PALM2AKAP2: variants seen among roughly 807,000 people sequenced by gnomAD.
The protein encoded by PALM2AKAP2 is PALM2 and AKAP2 fusion, also known as PALM2-AKAP2 fusion protein.
In PALM2AKAP2, 37 loss-of-function variants were observed where a neutral mutation model predicts 71.5. That is an observed-to-expected ratio of 0.52 (90% CI 0.40 to 0.68). The LOEUF (loss-of-function observed/expected upper bound fraction) is 0.68, where lower values mean the gene tolerates loss of function less well. Ranked by LOEUF, PALM2AKAP2 falls within the 30% of genes least tolerant of loss-of-function variation. The pLI is 0.00. For missense variants in PALM2AKAP2, 1,224 were observed against 1,191.8 expected (o/e 1.03, Z -0.40); for synonymous variants, 468 against 478.8 (o/e 0.98, Z 0.29).
At chr9:110,065,077 G>A (rs1274159988) in intron 1 of PALM2AKAP2, among the ~76,000 whole-genome samples, 4 of 152,216 alleles carry the variant, frequency 2.6e-5, no homozygotes, top group Non-Finnish European at 4.4e-5. Flanking sequence ...TGTCACACCA[G>A]CCGGATGACT....
chr9:109,958,792 A>C (rs1338014483), intron 6 of PALM2AKAP2, among the ~76,000 whole-genome samples: 1 of 152,200 alleles, frequency 6.6e-6, no homozygotes, highest in East Asian at 1.9e-4. Context: ...AGAAGCCATC[A>C]CATCAGCCAT....
intron 1 of PALM2AKAP2, among the ~76,000 whole-genome samples, chr9:110,056,431 T>TA (rs1055326993): frequency 2.0e-5 from 3 of 152,224 alleles, no homozygotes; most frequent in Non-Finnish European, 4.4e-5. Flanking sequence ...CCCAAAGGAA[T>TA]AAATCTTAGT....
chr9:109,746,645 C>G (rs1828806312), intron 1 of PALM2AKAP2, among the ~76,000 whole-genome samples: 1 of 152,116 alleles, frequency 6.6e-6, no homozygotes, highest in Non-Finnish European at 1.5e-5. Flanking sequence ...ATGATATCCC[C>G]AGGAGGTGGA....
intron 3 of PALM2AKAP2, among the ~76,000 whole-genome samples, chr9:109,882,149 C>G (rs1164326778): frequency 2.0e-5 from 3 of 152,078 alleles, no homozygotes; most frequent in Admixed American, 1.3e-4. Context: ...TCCCAAAGTG[C>G]TGGAATTACA....
At chr9:109,909,980 A>G (rs1339876276) in intron 3 of PALM2AKAP2, among the ~76,000 whole-genome samples, 2 of 152,114 alleles carry the variant, frequency 1.3e-5, no homozygotes, top group Non-Finnish European at 2.9e-5. Flanking sequence ...TCTGGATTTT[A>G]GGGTGATGGG....
rs544721654 is a variant in PALM2AKAP2, at chr9:109,975,209, T to C, written c.497-40745T>C. Among the ~76,000 whole-genome samples, 77 of 152,282 alleles carry C rather than the reference T, an allele frequency of 5.1e-4. No individual in the cohort carries two copies. In the South Asian group the frequency reaches 0.011, roughly 22 times the overall value. ...TTGAGAAGCCCCACGATCTACTATCTACAAGCTGGAGGCCCAGGAAAGCCA... is the reference window on the plus strand; with the variant it reads ...TTGAGAAGCCCCACGATCTACTATCCACAAGCTGGAGGCCCAGGAAAGCCA... On this transcript the variant is annotated intron_variant, in intron 6 of 9. Coordinates refer to the PALM2AKAP2 transcript ENST00000302798.
chr9:109,834,515 C>T (rs1030419549), intron 1 of PALM2AKAP2, among the ~76,000 whole-genome samples: 4 of 152,108 alleles, frequency 2.6e-5, no homozygotes, highest in Non-Finnish European at 5.9e-5. Context: ...TGTGTGGAGT[C>T]TGAGGCTGAC....
chr9:109,952,036 CCT>C (rs1275881733), intron 6 of PALM2AKAP2, among the ~76,000 whole-genome samples: 25 of 152,234 alleles, frequency 1.6e-4, no homozygotes, highest in Middle Eastern at 3.2e-3. Flanking sequence ...CTCTTGTTCA[CCT>C]CTCTTTACCT....
chr9:109,994,791 C>T (rs1832544570), intron 6 of PALM2AKAP2, among the ~76,000 whole-genome samples: 1 of 152,154 alleles, frequency 6.6e-6, no homozygotes, highest in Non-Finnish European at 1.5e-5. Context: ...CTCAAGCCCC[C>T]TTGCTCTCTG....
chr9:110,115,966 T>G (rs142668647), intron 1 of PALM2AKAP2, among the ~76,000 whole-genome samples: 3 of 152,326 alleles, frequency 2.0e-5, no homozygotes, highest in East Asian at 3.9e-4. Context: ...GAACATTGTC[T>G]TGGAGAAGTG....
intron 6 of PALM2AKAP2, among the ~76,000 whole-genome samples, chr9:109,955,933 TG>T (rs1831738573): frequency 6.6e-6 from 1 of 151,490 alleles, no homozygotes; most frequent in African/African-American, 2.4e-5. Context: ...AAGACTCCTC[TG>T]TCTTAAAAAA....
intron 1 of PALM2AKAP2, among the ~76,000 whole-genome samples, chr9:109,743,123 C>G (rs1399640875): frequency 6.6e-6 from 1 of 152,140 alleles, no homozygotes. Flanking sequence ...ACCCTTCCTT[C>G]TTTCTCTATT....
chr9:109,967,592 T>C (rs1831978889), intron 6 of PALM2AKAP2, among the ~76,000 whole-genome samples: 1 of 152,136 alleles, frequency 6.6e-6, no homozygotes, highest in South Asian at 2.1e-4. Context: ...GTATTTTTAG[T>C]GGAGATGGGA....
chr9:109,885,581 G>A (rs963408098), intron 3 of PALM2AKAP2, among the ~76,000 whole-genome samples: 1 of 152,162 alleles, frequency 6.6e-6, no homozygotes, highest in African/African-American at 2.4e-5. Context: ...AGGAGAGTGG[G>A]AAGTAAATCA....
chr9:109,689,688 T>C (rs1453279368), intron 1 of PALM2AKAP2, among the ~76,000 whole-genome samples: 1 of 152,226 alleles, frequency 6.6e-6, no homozygotes, highest in Non-Finnish European at 1.5e-5. Context: ...AAGGCTAAGA[T>C]GAGCTCAGTG....
chr9:109,714,604 A>C (rs1302156608), intron 1 of PALM2AKAP2, among the ~76,000 whole-genome samples: 1 of 152,216 alleles, frequency 6.6e-6, no homozygotes, highest in Non-Finnish European at 1.5e-5. Flanking sequence ...CAAGACAAGG[A>C]CTTGGATGAG....
intron 7 of PALM2AKAP2, among the ~76,000 whole-genome samples, chr9:110,035,846 TATATGATATGTTGTGTGTTATATATAAC>T (rs1833398030): frequency 2.5e-4 from 35 of 140,208 alleles, no homozygotes; most frequent in Admixed American, 2.4e-3. Context: ...ATATATAATA[TATATGATATGTTGTGTGTTATATATAAC>T]ATATATGATA....
chr9:109,944,242 C>A (rs1048987430), intron 6 of PALM2AKAP2: 1 of 152,064 alleles, frequency 6.6e-6, no homozygotes, highest in Admixed American at 6.5e-5. Context: ...AATTCACAAG[C>A]CTTGTTTCTA....
chr9:109,838,006 C>G (rs1828529165), intron 1 of PALM2AKAP2, among the ~76,000 whole-genome samples: 2 of 152,178 alleles, frequency 1.3e-5, no homozygotes, highest in African/African-American at 4.8e-5. Context: ...AGGACTTGAA[C>G]TCAGCTCTGC....
Sources: allele counts gnomAD v4.1 joint callset (sites outside exome capture counted in the v4.1 genomes callset), GRCh38; gene constraint gnomAD v4.1.1; transcripts MANE v1.5; gene names NCBI Gene and HGNC (gene_info 2026-07-23, HGNC 2026-07-21).